Variants in SLC2A14 observed in about 807,000 individuals in gnomAD.
The protein encoded by SLC2A14 is solute carrier family 2, facilitated glucose transporter member 14.
SLC2A14 carries 13 observed loss-of-function variants against 43.0 expected under a neutral mutation model. The ratio of observed to expected loss-of-function variants is 0.30; its 90% CI spans 0.20 to 0.48. The LOEUF (loss-of-function observed/expected upper bound fraction) is 0.48, where lower values mean the gene tolerates loss of function less well. SLC2A14 is among the 20% of genes least tolerant of loss of function. The pLI, the probability that SLC2A14 is intolerant of heterozygous loss-of-function variation, is 0.99. For missense variants in SLC2A14, 428 were observed against 620.4 expected (o/e 0.69, Z 3.29); for synonymous variants, 190 against 233.8 (o/e 0.81, Z 1.71).
At position 7,871,039 on chromosome 12, in the gene SLC2A14, C is replaced by T. The variant is rs1011939875; in HGVS notation, c.-57-1102G>A. The T allele has an allele frequency of 1.5e-5, 22 of 1,422,462 alleles. 1 individual carries two copies. Among genetic ancestry groups the T allele is most frequent in the Non-Finnish European group, 1.2e-5 (13 of 1,058,908 alleles). 88.1% of individuals were successfully genotyped at this position (1,422,462 alleles called of 1,614,324 possible). ...ACAGCACGACAAGCTGGCTTCACCG[C>T]GGAAGAACCCCATGGATGAATACCT... On this transcript the variant is annotated intron_variant, in intron 1 of 10. Transcript: ENST00000431042.
At chr12:7,871,100 A>C (rs1382122340) in intron 1 of SLC2A14, 1 of 1,352,200 alleles carries the variant, frequency 7.4e-7, no homozygotes, top group Non-Finnish European at 9.8e-7. Flanking sequence ...GGGCCCATCA[A>C]CTTCACCACT....
chr12:7,856,005 A>G (rs987022534), intron 2 of SLC2A14, among the ~76,000 whole-genome samples: 2 of 152,068 alleles, frequency 1.3e-5, no homozygotes, highest in Non-Finnish European at 2.9e-5. Context: ...TTTTATAATT[A>G]TAATTAGCCA....
rs763427914 is a variant in SLC2A14, at chr12:7,883,856, T to G, written c.132+7140A>C. On this transcript the variant is annotated intron_variant, in intron 1 of 9. Transcript: ENST00000539924. ...CCTTGGCCTCCCAAACTGCTGGGAT[T>G]ACAGGCATGAGCCACCACGCCTGGC... Among the ~76,000 whole-genome samples the G allele has an allele frequency of 6.6e-5, 10 of 152,118 alleles. No homozygotes were observed. The South Asian group carries it at 2.1e-3, about 32-fold the overall frequency.
At chr12:7,833,573 G>A (rs917769116) in intron 2 of SLC2A14, among the ~76,000 whole-genome samples, 12 of 152,162 alleles carry the variant, frequency 7.9e-5, no homozygotes, top group Non-Finnish European at 1.8e-4. Flanking sequence ...CTGAGATCAG[G>A]AGTTCGAGAC....
intron 2 of SLC2A14, among the ~76,000 whole-genome samples, chr12:7,861,275 C>T (rs1944545214): frequency 6.6e-6 from 1 of 151,820 alleles, no homozygotes; most frequent in African/African-American, 2.4e-5. Flanking sequence ...TTGTTTATTC[C>T]CCATAATAAT....
intron 2 of SLC2A14, among the ~76,000 whole-genome samples, chr12:7,855,961 G>A (rs775271108): frequency 1.3e-5 from 2 of 151,938 alleles, no homozygotes; most frequent in South Asian, 4.1e-4. Flanking sequence ...CAATGCACCA[G>A]CCTCACAACA....
rs553151345 is a variant in SLC2A14 at position 7,848,616 on chromosome 12, C to T, written c.19-15802G>A. On this transcript the variant is annotated intron_variant, in intron 2 of 10. Transcript: ENST00000431042. Reference sequence around the variant, plus strand: ...TGTCGCCCAGGCTGGAGTGCAATGGCGCAGTCTCAGCTCACCGCAACCTCC... The same window carrying T: ...TGTCGCCCAGGCTGGAGTGCAATGGTGCAGTCTCAGCTCACCGCAACCTCC... 7.8e-3 allele frequency among the ~76,000 whole-genome samples: 1,170 copies of T among 150,842 alleles called. 8 individuals carry two copies. The highest frequency in any genetic ancestry group is 0.011 in the Non-Finnish European group (755 of 67,794).
At chr12:7,879,817 C>CAA (rs1298998313) in intron 1 of SLC2A14, among the ~76,000 whole-genome samples, 2 of 151,930 alleles carry the variant, frequency 1.3e-5, no homozygotes, top group Non-Finnish European at 2.9e-5. Flanking sequence ...CCAGCCTGGC[C>CAA]AACATGGTGA....
chr12:7,889,248 T>TTTTTG (rs1412767745), intron 1 of SLC2A14, among the ~76,000 whole-genome samples: 10 of 150,946 alleles, frequency 6.6e-5, no homozygotes, highest in Non-Finnish European at 1.2e-4. Flanking sequence ...TTTTTTTTTT[T>TTTTTG]TTAAGACTGA....
At chr12:7,842,459 C>A (rs1485467751) in intron 2 of SLC2A14, among the ~76,000 whole-genome samples, 1 of 152,184 alleles carries the variant, frequency 6.6e-6, no homozygotes, top group Non-Finnish European at 1.5e-5. Flanking sequence ...AGCCAAAAGG[C>A]CGAGAAGCGG....
chr12:7,816,927 G>A (rs957918809), intron 10 of SLC2A14, among the ~76,000 whole-genome samples: 3 of 151,694 alleles, frequency 2.0e-5, no homozygotes, highest in Non-Finnish European at 4.4e-5. Flanking sequence ...GGCTAATCTC[G>A]AACTCTTGAC....
chr12:7,828,764 A>G lies in SLC2A14; in HGVS notation c.616T>C (p.Cys206Arg). 6.2e-7 allele frequency: 1 copy of G among 1,614,180 alleles called. No individual in the cohort carries two copies. Residue 206 changes from cysteine to arginine, a missense_variant, in exon 6 of 11, where the codon TGC (cysteine) becomes CGC (arginine). Coordinates refer to ENST00000431042, the MANE Select transcript of SLC2A14 (RefSeq NM_001286234.2). ...AGCAAAAATCTGGGACTTTCAGGGC[A>G]ACATGGAAGGGCTGCACTTTGCAGG... ...AILQSAALPC[C>R]PESPRFLLIN...
intron 1 of SLC2A14, among the ~76,000 whole-genome samples, chr12:7,879,860 G>A (rs1420268646): frequency 1.3e-5 from 2 of 150,976 alleles, no homozygotes; most frequent in Non-Finnish European, 2.9e-5. Context: ...CAAAAAATTA[G>A]CCAGACATTG....
At chr12:7,837,619 CA>C (rs1865561139) in intron 2 of SLC2A14, among the ~76,000 whole-genome samples, 1 of 68,872 alleles carries the variant, frequency 1.5e-5, no homozygotes. Flanking sequence ...ACTTGGGCAA[CA>C]AGAGTGAAAC....
At chr12:7,864,801 G>A (rs1261263070) in intron 2 of SLC2A14, among the ~76,000 whole-genome samples, 1 of 152,180 alleles carries the variant, frequency 6.6e-6, no homozygotes, top group East Asian at 1.9e-4. Flanking sequence ...AGAGTCAGCC[G>A]ACCCAGGCTC....
At chr12:7,868,695 A>C (rs150603484) in intron 2 of SLC2A14, among the ~76,000 whole-genome samples, 68 of 152,310 alleles carry the variant, frequency 4.5e-4, no homozygotes, top group African/African-American at 1.6e-3. Flanking sequence ...TGTTAGAGAA[A>C]AAATACTTGA....
At chr12:7,873,169 T>G (rs898945761), upstream of SLC2A14, 6 of 985,556 alleles carry the variant, frequency 6.1e-6, no homozygotes, top group Non-Finnish European at 7.2e-6. Context: ...GCGGGGGAAC[T>G]CTTTACGGGG....
At chr12:7,846,704 T>TAC (rs1866494552) in intron 2 of SLC2A14, among the ~76,000 whole-genome samples, 1 of 150,220 alleles carries the variant, frequency 6.7e-6, no homozygotes, top group South Asian at 2.1e-4. Flanking sequence ...TGATCTTGGC[T>TAC]CACTCCAACC....
At position 7,864,375 on chromosome 12, in the gene SLC2A14, T is replaced by C. The variant is rs915088737; in HGVS notation, c.18+5488A>G. Among the ~76,000 whole-genome samples the C allele has an allele frequency of 3.3e-5, 5 of 152,174 alleles. No homozygotes were observed. The South Asian group carries it at 1.0e-3, about 32-fold the overall frequency. On this transcript the variant is annotated intron_variant, in intron 2 of 10. Transcript: ENST00000431042. ...TGTTGTTTGAGATGGAGTCTCGCTC[T>C]GTCGCCCAGGCTGAGTGCAGTGGTG...
Sources: gnomAD v4.1 joint callset for allele counts (sites outside exome capture counted in the v4.1 genomes callset) on GRCh38, gnomAD v4.1.1 for gene constraint, MANE v1.5 for transcripts, NCBI Gene and HGNC (gene_info 2026-07-23, HGNC 2026-07-21) for gene names.